C9orf153: variants seen among roughly 807,000 people sequenced by gnomAD.
The protein encoded by C9orf153 is chromosome 9 open reading frame 153, also known as uncharacterized protein C9orf153.
C9orf153 carries 10 observed loss-of-function variants against 9.0 expected under a neutral mutation model. The observed-to-expected ratio is 1.11, with a 90% CI of 0.69 to 1.89. C9orf153 has a LOEUF of 1.89. C9orf153 is among the 40% of genes most tolerant of loss of function. The pLI is 0.00. For missense variants in C9orf153, 108 were observed against 111.0 expected, an observed-to-expected ratio of 0.97 and a Z score of 0.12; for synonymous variants, 35 against 37.3, an observed-to-expected ratio of 0.94 and a Z score of 0.23.
Position 86,220,290 on chromosome 9 carries a change from A to G in C9orf153, c.*1398T>C, listed in dbSNP as rs1229399482. On this transcript the variant is annotated 3_prime_UTR_variant, in exon 4 of 4. Transcript: ENST00000339137. ...TCCGGAAATGTATTTTAATATCTAC[A>G]CAATCATACACACATATATTGTTAA... 1.3e-5 allele frequency: 2 copies of G among 152,240 alleles called. No individual in the cohort carries two copies. Among genetic ancestry groups the G allele is most frequent in the African/African-American group, 4.8e-5 (2 of 41,454 alleles). The allele number at this position is 152,240 out of a possible 1,614,324, so 9.4% of individuals were successfully genotyped here.
Position 86,221,406 on chromosome 9 carries a change from G to A in C9orf153, c.*282C>T, listed in dbSNP as rs1824200285. 2.1e-6 allele frequency: 1 copy of A among 486,532 alleles called. No homozygotes were observed. Among genetic ancestry groups the A allele is most frequent in the African/African-American group, 2.0e-5 (1 of 49,506 alleles). 30.1% of individuals were successfully genotyped at this position (486,532 alleles called of 1,614,324 possible). A position where few individuals can be genotyped will look rare whatever the true frequency, so the allele number is the denominator to read the frequency against. ...TGTGTTGTACACACTCACTTCAGAT[G>A]TTCTATTGGGTACTTGGCTTCTTTA... On this transcript the variant is annotated 3_prime_UTR_variant, in exon 4 of 4. Transcript: ENST00000339137.
At position 86,239,970 on chromosome 9, in the gene C9orf153, C is replaced by T. The variant is rs550300037; in HGVS notation, c.-26-10341G>A. The stretch of plus-strand genomic sequence containing the variant: ...CCCCGATGGTGGAGCAGTTCAGTGC[C>T]CTGAGCATTATGTGTCTTATAGATA... On this transcript the variant is annotated intron_variant, in intron 1 of 3. Coordinates refer to ENST00000339137, the MANE Select transcript of C9orf153 (RefSeq NM_001276366.4). Among the ~76,000 whole-genome samples, 20 of 152,206 alleles carry T rather than the reference C, an allele frequency of 1.3e-4. 1 individual carries two copies. Among genetic ancestry groups the T allele is most frequent in the African/African-American group, 4.8e-4 (20 of 41,526 alleles).
At chr9:86,257,812 C>T (rs577636321) in intron 1 of C9orf153, among the ~76,000 whole-genome samples, 1 of 152,282 alleles carries the variant, frequency 6.6e-6, no homozygotes, top group East Asian at 1.9e-4. Flanking sequence ...TGGCCAGGAA[C>T]AGATCAGTTG....
intron 1 of C9orf153, among the ~76,000 whole-genome samples, chr9:86,236,176 G>A (rs888429787): frequency 6.6e-6 from 1 of 152,136 alleles, no homozygotes; most frequent in African/African-American, 2.4e-5. Context: ...GCAGAGAATG[G>A]AATGAAATGG....
intron 1 of C9orf153, among the ~76,000 whole-genome samples, chr9:86,236,080 C>G (rs1824579592): frequency 6.6e-6 from 1 of 151,764 alleles, no homozygotes; most frequent in Admixed American, 6.6e-5. Flanking sequence ...TTGAAAGAAG[C>G]CACAGGAAGA....
rs2131167694 is a variant in C9orf153 at position 86,221,489 on chromosome 9, A to G, written c.*199T>C. ...CAAAAATCTACGTCCAAAATATTTT[A>G]ATACACTACATATTCCATTTAAGAG... On this transcript the variant is annotated 3_prime_UTR_variant, in exon 4 of 4. Coordinates refer to ENST00000339137, the MANE Select transcript of C9orf153 (RefSeq NM_001276366.4). 1 of 1,291,670 alleles carries G rather than the reference A, an allele frequency of 7.7e-7. No individual in the cohort carries two copies. The allele number at this position is 1,291,670 out of a possible 1,614,324, so 80.0% of individuals were successfully genotyped here.
intron 3 of C9orf153, among the ~76,000 whole-genome samples, chr9:86,226,513 G>A (rs956662584): frequency 4.0e-5 from 6 of 151,756 alleles, no homozygotes; most frequent in Non-Finnish European, 7.4e-5. Flanking sequence ...TTGTAGAGTC[G>A]GGGTTTTGCC....
At chr9:86,258,549 G>A (rs960081881) in intron 1 of C9orf153, 2 of 152,044 alleles carry the variant, frequency 1.3e-5, no homozygotes, top group Non-Finnish European at 2.9e-5. Flanking sequence ...GGACGGATGA[G>A]GGAGGAAGGA....
At chr9:86,223,577 G>C (rs986001095) in intron 3 of C9orf153, among the ~76,000 whole-genome samples, 4 of 152,182 alleles carry the variant, frequency 2.6e-5, no homozygotes, top group Admixed American at 1.3e-4. Context: ...GCTATAGAGG[G>C]GGGAGCTAAG....
chr9:86,241,533 G>A (rs763687833), intron 1 of C9orf153, among the ~76,000 whole-genome samples: 1 of 152,234 alleles, frequency 6.6e-6, no homozygotes, highest in African/African-American at 2.4e-5. Flanking sequence ...ATTACAGGAC[G>A]TCAAGCAAGG....
intron 1 of C9orf153, among the ~76,000 whole-genome samples, chr9:86,248,295 G>A (rs1223131191): frequency 6.6e-6 from 1 of 151,778 alleles, no homozygotes. Context: ...CACCACCCCC[G>A]GCTAATTTTT....
chr9:86,227,579 T>C (rs1288298596), intron 3 of C9orf153: 1 of 985,300 alleles, frequency 1.0e-6, no homozygotes, highest in East Asian at 1.1e-4. Flanking sequence ...AAGTTTATCT[T>C]CAGAAATGAA....
At chr9:86,256,421 A>G (rs1368930539) in intron 1 of C9orf153, among the ~76,000 whole-genome samples, 1 of 152,268 alleles carries the variant, frequency 6.6e-6, no homozygotes, top group East Asian at 1.9e-4. Flanking sequence ...TGTGAAAAAT[A>G]TATTAACCAG....
intron 1 of C9orf153, among the ~76,000 whole-genome samples, chr9:86,249,511 T>C (rs1316421546): frequency 1.3e-5 from 2 of 152,152 alleles, no homozygotes; most frequent in African/African-American, 4.8e-5. Flanking sequence ...CATTGTATAT[T>C]GTCAAACGGT....
intron 1 of C9orf153, among the ~76,000 whole-genome samples, chr9:86,231,527 G>C (rs1032353721): frequency 6.7e-6 from 1 of 149,220 alleles, no homozygotes; most frequent in Admixed American, 6.6e-5. Context: ...CTTCCTTCCT[G>C]AGTAAAGTAG....
chr9:86,242,040 G>C (rs1824755915), intron 1 of C9orf153, among the ~76,000 whole-genome samples: 1 of 152,184 alleles, frequency 6.6e-6, no homozygotes, highest in African/African-American at 2.4e-5. Context: ...GAGAGATCAG[G>C]GTAAAAGGGA....
chr9:86,239,861 G>C (rs1269262089), intron 1 of C9orf153, among the ~76,000 whole-genome samples: 3 of 152,156 alleles, frequency 2.0e-5, no homozygotes, highest in Non-Finnish European at 2.9e-5. Context: ...TGTGTTAACA[G>C]AAGGGCCTTC....
At chr9:86,253,909 A>G (rs1407777324) in intron 1 of C9orf153, among the ~76,000 whole-genome samples, 2 of 152,052 alleles carry the variant, frequency 1.3e-5, no homozygotes, top group African/African-American at 2.4e-5. Context: ...GGCTAACATG[A>G]TGAAACCCTG....
At chr9:86,227,554 T>C (rs1311289350) in intron 3 of C9orf153, 1 of 985,394 alleles carries the variant, frequency 1.0e-6, no homozygotes, top group Non-Finnish European at 1.2e-6. Context: ...CTGGGTCAAC[T>C]AAGAAGGATC....
Sources: allele counts gnomAD v4.1 joint callset (sites outside exome capture counted in the v4.1 genomes callset), GRCh38; gene constraint gnomAD v4.1.1; transcripts MANE v1.5; gene names NCBI Gene and HGNC (gene_info 2026-07-23, HGNC 2026-07-21).